PKP1: variants seen among roughly 807,000 people sequenced by gnomAD.
PKP1 encodes the protein plakophilin 1.
A neutral mutation model predicts 76.4 loss-of-function variants in PKP1; 27 were observed. That is an observed-to-expected ratio of 0.35 (90% CI 0.26 to 0.49). PKP1 has a LOEUF of 0.49. Among genes scored for constraint, PKP1 ranks in the 20% least tolerant of loss-of-function variants. The probability of loss-of-function intolerance (pLI) is 0.99; values close to 1 mark genes in which losing one functional copy is unlikely to be tolerated. For synonymous variants in PKP1, 404 were observed against 384.2 expected (o/e 1.05, Z -0.60); for missense variants, 964 against 955.2 (o/e 1.01, Z -0.12).
chr1:201,312,054 C>G (rs1272937462), intron 2 of PKP1, among the ~76,000 whole-genome samples: 1 of 152,216 alleles, frequency 6.6e-6, no homozygotes, highest in Non-Finnish European at 1.5e-5. Context: ...CCCAGCTTCT[C>G]CCCATTGCCA....
chr1:201,329,855 C>T (rs1042464741), intron 13 of PKP1, among the ~76,000 whole-genome samples: 20 of 152,264 alleles, frequency 1.3e-4, no homozygotes, highest in South Asian at 1.2e-3. Flanking sequence ...GTGAGGAAGA[C>T]GGTGGGCAGG....
chr1:201,297,775 C>T (rs1656116801), intron 2 of PKP1, among the ~76,000 whole-genome samples: 1 of 152,258 alleles, frequency 6.6e-6, no homozygotes, highest in South Asian at 2.1e-4. Context: ...CCATTTCCTC[C>T]CTTCCCATCC....
At chr1:201,324,312 A>C in intron 9 of PKP1, 116 bp from the exon 10 acceptor site, 1 of 1,070,168 alleles carries the variant, frequency 9.3e-7, no homozygotes, top group East Asian at 2.4e-5. Context: ...TAGTGCTTCC[A>C]ATATGAAAGA....
chr1:201,330,098 C>T lies in PKP1; in HGVS notation c.*57C>T, dbSNP rs908324390. 1 of 152,146 alleles carries T rather than the reference C, an allele frequency of 6.6e-6. No individual in the cohort carries two copies. The highest frequency in any genetic ancestry group is 1.5e-5 in the Non-Finnish European group (1 of 68,032). 9.4% of individuals were successfully genotyped at this position (152,146 alleles called of 1,614,324 possible). A position where few individuals can be genotyped will look rare whatever the true frequency, so the allele number is the denominator to read the frequency against. On this transcript the variant is annotated 3_prime_UTR_variant, in exon 14 of 14. Transcript: ENST00000367324. ...GGAAGATATGACCCAGCTGAGAAGC[C>T]CTCAGGCCTCGCTGGATGGGGTTTT...
intron 1 of PKP1, among the ~76,000 whole-genome samples, chr1:201,289,276 C>T (rs1330322830): frequency 6.6e-6 from 1 of 152,202 alleles, no homozygotes; most frequent in East Asian, 1.9e-4. Context: ...CTTTTCTGGG[C>T]ACCATGGGTG....
intron 2 of PKP1, among the ~76,000 whole-genome samples, chr1:201,302,050 G>T (rs1317565740): frequency 1.3e-5 from 2 of 152,172 alleles, no homozygotes; most frequent in African/African-American, 4.8e-5. Flanking sequence ...TTTCAGCTGC[G>T]CTGTGTCCTC....
At chr1:201,294,170 C>A in intron 2 of PKP1, 125 bp downstream of exon 2, 1 of 723,748 alleles carries the variant, frequency 1.4e-6, no homozygotes, top group Non-Finnish European at 2.5e-6. Context: ...TGAGTTGAGG[C>A]TCATCAACTC....
intron 2 of PKP1, among the ~76,000 whole-genome samples, chr1:201,294,922 G>A (rs1656030048): frequency 6.6e-6 from 1 of 152,174 alleles, no homozygotes; most frequent in Non-Finnish European, 1.5e-5. Flanking sequence ...CAGGAGTACC[G>A]GGCTAGATGA....
chr1:201,283,936 C>T, intron 1 of PKP1, 32 bp downstream of exon 1: 1 of 1,595,458 alleles, frequency 6.3e-7, no homozygotes, highest in Non-Finnish European at 8.6e-7. Context: ...GGTCCGTGCG[C>T]CCCTTTCCAG....
intron 1 of PKP1, among the ~76,000 whole-genome samples, chr1:201,288,396 G>A (rs1241926670): frequency 6.6e-6 from 1 of 152,088 alleles, no homozygotes; most frequent in Non-Finnish European, 1.5e-5. Flanking sequence ...CTCAAACTTG[G>A]CTACATATTG....
intron 2 of PKP1, among the ~76,000 whole-genome samples, chr1:201,309,309 C>T (rs1656464287): frequency 6.6e-6 from 1 of 151,890 alleles, no homozygotes; most frequent in African/African-American, 2.4e-5. Context: ...ATTACACAAG[C>T]AGGCGGCAAA....
chr1:201,315,629 G>C (rs1212636417), intron 3 of PKP1, among the ~76,000 whole-genome samples: 2 of 152,226 alleles, frequency 1.3e-5, no homozygotes, highest in African/African-American at 4.8e-5. Context: ...ACCCTGGATA[G>C]GGGCTGGGGA....
intron 1 of PKP1, among the ~76,000 whole-genome samples, chr1:201,292,865 G>A (rs769375915): frequency 5.3e-5 from 8 of 152,342 alleles, no homozygotes; most frequent in Non-Finnish European, 1.2e-4. Context: ...CTTGCTCTTC[G>A]TGGAGCTCCC....
rs769266631 is a variant in PKP1, at chr1:201,318,602, G to T, written c.1055-16G>T. The T allele has an allele frequency of 1.9e-6, 3 of 1,611,716 alleles. No homozygotes were observed. The highest frequency in any genetic ancestry group is 4.5e-5 in the East Asian group (2 of 44,860). ...TGAGCCTGGCACAAATTGGGTTGAT[G>T]GTCTCTGACCCCCAGGGCTGCTCTG... is the stretch of plus-strand genomic sequence containing the variant. On this transcript the variant is annotated splice_polypyrimidine_tract_variant and intron_variant, in intron 5 of 13. Coordinates refer to ENST00000367324, the MANE Select transcript of PKP1 (RefSeq NM_001005337.3).
chr1:201,323,923 C>T (rs183626023), intron 9 of PKP1, among the ~76,000 whole-genome samples: 43 of 152,280 alleles, frequency 2.8e-4, no homozygotes, highest in African/African-American at 1.0e-3. Context: ...AGTTCTCTCT[C>T]CATGTGGGCC....
chr1:201,303,016 C>A (rs1037429157), intron 2 of PKP1, among the ~76,000 whole-genome samples: 1 of 152,234 alleles, frequency 6.6e-6, no homozygotes, highest in African/African-American at 2.4e-5. Context: ...TGGCTCAGGG[C>A]TCCTGGTCAC....
intron 2 of PKP1, among the ~76,000 whole-genome samples, chr1:201,307,292 G>T (rs1428480587): frequency 1.3e-5 from 2 of 152,110 alleles, no homozygotes; most frequent in East Asian, 3.9e-4. Context: ...TCTGCCCAAA[G>T]CAGTGTTCCA....
chr1:201,293,905 G>A (rs766443467), intron 1 of PKP1, 37 bp from the exon 2 acceptor site: 21 of 1,359,574 alleles, frequency 1.5e-5, no homozygotes, highest in Non-Finnish European at 2.1e-5. Context: ...TGAAGATCAT[G>A]GCCATCCCTG....
At chr1:201,286,665 C>G (rs1013931113) in intron 1 of PKP1, among the ~76,000 whole-genome samples, 2 of 152,178 alleles carry the variant, frequency 1.3e-5, no homozygotes, top group African/African-American at 4.8e-5. Flanking sequence ...GGAGACCTTG[C>G]AGAAGGAGGT....
Sources: gnomAD v4.1 joint callset for allele counts (sites outside exome capture counted in the v4.1 genomes callset) on GRCh38, gnomAD v4.1.1 for gene constraint, MANE v1.5 for transcripts, NCBI Gene and HGNC (gene_info 2026-07-23, HGNC 2026-07-21) for gene names.